Variants in CDK14 observed in about 807,000 individuals in gnomAD.
The protein encoded by CDK14 is cyclin dependent kinase 14.
Under a neutral mutation model 60.7 loss-of-function variants are expected in CDK14, and 34 were observed. That is an observed-to-expected ratio of 0.56 (90% CI 0.43 to 0.75). The LOEUF is 0.75. Among genes scored for constraint, CDK14 ranks in the 30% least tolerant of loss-of-function variants. CDK14 has a pLI of 0.00. For synonymous variants in CDK14, 197 were observed against 203.7 expected (o/e 0.97, Z 0.28); for missense variants, 482 against 564.1 (o/e 0.85, Z 1.47).
intron 10 of CDK14, among the ~76,000 whole-genome samples, chr7:91,016,805 A>G (rs551810350): frequency 2.8e-4 from 43 of 152,282 alleles, no homozygotes; most frequent in African/African-American, 9.9e-4. Context: ...ATTTTTTCAT[A>G]AGCCAAACTT....
At chr7:90,772,092 T>C (rs1438633682) in intron 4 of CDK14, among the ~76,000 whole-genome samples, 2 of 152,218 alleles carry the variant, frequency 1.3e-5, no homozygotes, top group Non-Finnish European at 2.9e-5. Context: ...ATATAGTCTC[T>C]GTACCTGGGT....
At chr7:90,602,786 A>G (rs900841478) in intron 1 of CDK14, among the ~76,000 whole-genome samples, 2 of 152,256 alleles carry the variant, frequency 1.3e-5, no homozygotes, top group Non-Finnish European at 2.9e-5. Context: ...TGGTTATCCA[A>G]TAAAGAAAGA....
At chr7:90,859,093 G>A (rs908285365) in intron 5 of CDK14, among the ~76,000 whole-genome samples, 1 of 152,208 alleles carries the variant, frequency 6.6e-6, no homozygotes. Context: ...ATATGTGTAG[G>A]GCAGAAGAGA....
chr7:90,799,313 A>G (rs1425631531), intron 5 of CDK14, among the ~76,000 whole-genome samples: 1 of 152,194 alleles, frequency 6.6e-6, no homozygotes, highest in Admixed American at 6.5e-5. Context: ...AGGTACTATC[A>G]TTATTGCTAT....
intron 2 of CDK14, among the ~76,000 whole-genome samples, chr7:90,625,640 G>C (rs1799861528): frequency 6.6e-6 from 1 of 151,996 alleles, no homozygotes; most frequent in Non-Finnish European, 1.5e-5. Flanking sequence ...ATTCATTATA[G>C]GCCTTTCTAA....
chr7:90,813,077 A>T (rs1156668933), intron 5 of CDK14, among the ~76,000 whole-genome samples: 2 of 152,234 alleles, frequency 1.3e-5, no homozygotes, highest in Non-Finnish European at 2.9e-5. Context: ...AGCAGTAAAA[A>T]GGAGCTAACT....
intron 14 of CDK14, among the ~76,000 whole-genome samples, chr7:91,183,852 A>G (rs1802082462): frequency 6.6e-6 from 1 of 152,204 alleles, no homozygotes; most frequent in African/African-American, 2.4e-5. Context: ...ATACAAATTT[A>G]TTGAACACCT....
rs191676442 is a variant in CDK14 at position 91,099,060 on chromosome 7, T to G, written c.1155-13482T>G. Reference sequence around the variant, plus strand: ...ACAAAATTATGCCTTTCAAGAGCTATTTTTAGTGCTACTTATAGTTGAAGG... The same window carrying G: ...ACAAAATTATGCCTTTCAAGAGCTAGTTTTAGTGCTACTTATAGTTGAAGG... On this transcript the variant is annotated intron_variant, in intron 12 of 14. Coordinates refer to ENST00000380050, the MANE Select transcript of CDK14 (RefSeq NM_001287135.2). Among the ~76,000 whole-genome samples the G allele has an allele frequency of 2.7e-4, 41 of 152,252 alleles. No individual in the cohort carries two copies. The East Asian group carries it at 6.2e-3, about 23-fold the overall frequency.
intron 14 of CDK14, among the ~76,000 whole-genome samples, chr7:91,135,402 A>G (rs971451930): frequency 2.0e-5 from 3 of 152,216 alleles, no homozygotes; most frequent in African/African-American, 7.2e-5. Context: ...AGGACCAGGC[A>G]TCTGACTGTC....
chr7:90,659,253 G>T (rs1390884030), intron 2 of CDK14, among the ~76,000 whole-genome samples: 1 of 152,144 alleles, frequency 6.6e-6, no homozygotes, highest in Non-Finnish European at 1.5e-5. Context: ...TGAAATAACA[G>T]TCTGCACTTT....
chr7:90,781,756 G>A (rs1467691153), intron 4 of CDK14, among the ~76,000 whole-genome samples: 2 of 151,476 alleles, frequency 1.3e-5, no homozygotes, highest in Non-Finnish European at 3.0e-5. Flanking sequence ...TGAGGGCTCT[G>A]TTCTGTTCCA....
At chr7:90,770,624 T>G (rs1019395481) in intron 4 of CDK14, among the ~76,000 whole-genome samples, 4 of 152,188 alleles carry the variant, frequency 2.6e-5, no homozygotes, top group African/African-American at 9.7e-5. Flanking sequence ...TCCACATCCC[T>G]CTGGAGTCTG....
intron 3 of CDK14, among the ~76,000 whole-genome samples, chr7:90,727,458 C>T (rs929526339): frequency 5.3e-5 from 8 of 152,076 alleles, no homozygotes; most frequent in Admixed American, 5.2e-4. Flanking sequence ...AAGGAACACA[C>T]CAAGAGAGAA....
intron 2 of CDK14, among the ~76,000 whole-genome samples, chr7:90,696,881 C>T (rs1024188817): frequency 8.5e-5 from 13 of 152,048 alleles, no homozygotes; most frequent in South Asian, 4.2e-4. Flanking sequence ...AGGAAAACTA[C>T]GGGAGTGTGG....
At chr7:90,761,721 A>G (rs1804320152) in intron 4 of CDK14, among the ~76,000 whole-genome samples, 2 of 152,236 alleles carry the variant, frequency 1.3e-5, no homozygotes, top group South Asian at 2.1e-4. Context: ...TGAACAGGAC[A>G]GTCTCCTGCA....
Position 91,176,553 on chromosome 7 carries a change from G to A in CDK14, c.*29-30612G>A, listed in dbSNP as rs1306955943. On this transcript the variant is annotated intron_variant, in intron 14 of 14. Coordinates refer to ENST00000380050, the MANE Select transcript of CDK14 (RefSeq NM_001287135.2). ...TTTGAAAGGATCAACAAAATTGATA[G>A]ACTGCTAGCAAGACTAATAAAGAAA... is the stretch of plus-strand genomic sequence containing the variant. Among the ~76,000 whole-genome samples, 4 of 152,086 alleles carry A rather than the reference G, an allele frequency of 2.6e-5. No homozygotes were observed. In the East Asian group the frequency reaches 7.7e-4, roughly 29 times the overall value.
At chr7:91,050,610 T>C (rs946999308) in intron 11 of CDK14, among the ~76,000 whole-genome samples, 1 of 152,320 alleles carries the variant, frequency 6.6e-6, no homozygotes, top group South Asian at 2.1e-4. Context: ...TATTATATAT[T>C]ATAAAGTATG....
intron 2 of CDK14, among the ~76,000 whole-genome samples, chr7:90,652,668 G>A (rs1762443413): frequency 1.3e-5 from 2 of 152,160 alleles, no homozygotes; most frequent in South Asian, 4.1e-4. Flanking sequence ...GATAATAATG[G>A]TACTTCCTGT....
At chr7:90,670,948 T>C (rs1801084288) in intron 2 of CDK14, among the ~76,000 whole-genome samples, 1 of 152,128 alleles carries the variant, frequency 6.6e-6, no homozygotes, top group Admixed American at 6.6e-5. Context: ...GCATTAACTT[T>C]CTTAAGAACA....
Sources: allele counts gnomAD v4.1 joint callset (sites outside exome capture counted in the v4.1 genomes callset), GRCh38; gene constraint gnomAD v4.1.1; transcripts MANE v1.5; gene names NCBI Gene and HGNC (gene_info 2026-07-23, HGNC 2026-07-21).